Variants in ZNF804B observed in about 807,000 individuals in gnomAD.
The protein encoded by ZNF804B is zinc finger 804B.
ZNF804B carries 80 observed loss-of-function variants against 101.4 expected under a neutral mutation model. The observed-to-expected ratio is 0.79, with a 90% CI of 0.66 to 0.95. The LOEUF (loss-of-function observed/expected upper bound fraction) is 0.95. ZNF804B is among the 40% of genes least tolerant of loss of function. The pLI is 0.00. For synonymous variants in ZNF804B, 622 were observed against 558.8 expected (o/e 1.11, Z -1.59); for missense variants, 1,673 against 1,561.9 (o/e 1.07, Z -1.20).
chr7:89,146,986 G>A lies in ZNF804B; in HGVS notation c.109-71169G>A, dbSNP rs1454614590. Among the ~76,000 whole-genome samples, 8 of 151,212 alleles carry A rather than the reference G, an allele frequency of 5.3e-5. No individual in the cohort carries two copies. In the East Asian group the frequency reaches 1.4e-3, roughly 26 times the overall value. On this transcript the variant is annotated intron_variant, in intron 1 of 3. Transcript: ENST00000333190. ...TGCGGGTTGCATGAGCCAAGATTGC[G>A]CCACTGCACCATAGTCTGTTGCAGT...
intron 1 of ZNF804B, among the ~76,000 whole-genome samples, chr7:88,867,582 G>A (rs1791749473): frequency 1.3e-5 from 2 of 152,128 alleles, no homozygotes; most frequent in South Asian, 4.1e-4. Flanking sequence ...ATCTCCTAGG[G>A]AAATACTCTC....
chr7:89,055,588 T>C (rs929233174), intron 1 of ZNF804B, among the ~76,000 whole-genome samples: 4 of 152,050 alleles, frequency 2.6e-5, no homozygotes, highest in Non-Finnish European at 5.9e-5. Context: ...ATTCCTGATA[T>C]CAACTTCACC....
chr7:89,094,079 A>G (rs937571383), intron 1 of ZNF804B, among the ~76,000 whole-genome samples: 2 of 152,226 alleles, frequency 1.3e-5, no homozygotes, highest in Admixed American at 1.3e-4. Context: ...CAAACACTTT[A>G]TACTATTGTC....
At chr7:88,952,836 T>C (rs1793245331) in intron 1 of ZNF804B, among the ~76,000 whole-genome samples, 1 of 151,778 alleles carries the variant, frequency 6.6e-6, no homozygotes, top group African/African-American at 2.4e-5. Flanking sequence ...TCTTCCTCGA[T>C]TTTTGTTGGG....
intron 1 of ZNF804B, among the ~76,000 whole-genome samples, chr7:89,053,381 G>A (rs192787642): frequency 6.6e-6 from 1 of 151,948 alleles, no homozygotes; most frequent in Non-Finnish European, 1.5e-5. Flanking sequence ...TTTGACTCCA[G>A]TATCTAGAAA....
intron 1 of ZNF804B, among the ~76,000 whole-genome samples, chr7:88,855,301 TG>T (rs1346606861): frequency 6.9e-6 from 1 of 145,602 alleles, no homozygotes; most frequent in African/African-American, 2.5e-5. Flanking sequence ...CCATTCTAAC[TG>T]GTGTGAGATG....
intron 1 of ZNF804B, among the ~76,000 whole-genome samples, chr7:89,059,571 C>G (rs1789345303): frequency 6.6e-6 from 1 of 152,136 alleles, no homozygotes; most frequent in African/African-American, 2.4e-5. Flanking sequence ...CCAGTACCTC[C>G]CACCAGGCCC....
At chr7:89,143,838 T>A (rs1174664430) in intron 1 of ZNF804B, among the ~76,000 whole-genome samples, 3 of 152,038 alleles carry the variant, frequency 2.0e-5, no homozygotes, top group African/African-American at 7.2e-5. Flanking sequence ...AGTTTTTTCA[T>A]AATATGCATT....
intron 1 of ZNF804B, among the ~76,000 whole-genome samples, chr7:89,007,703 A>C (rs1341429276): frequency 6.7e-6 from 1 of 149,482 alleles, no homozygotes; most frequent in African/African-American, 2.4e-5. Flanking sequence ...TCACTGTCTT[A>C]TGTTGACAGC....
At position 88,866,030 on chromosome 7, in the gene ZNF804B, C is replaced by T. The variant is rs533312857; in HGVS notation, c.108+105946C>T. Among the ~76,000 whole-genome samples the T allele has an allele frequency of 8.5e-5, 13 of 152,216 alleles. No individual in the cohort carries two copies. The South Asian group carries it at 2.7e-3, about 32-fold the overall frequency. On this transcript the variant is annotated intron_variant, in intron 1 of 3. Coordinates refer to ENST00000333190, the MANE Select transcript of ZNF804B (RefSeq NM_181646.5). ...CATCTTTGTGTATTGATTTTTGGTT[C>T]AATGTCTTGTCCACAGTAAGTAGTA...
chr7:89,112,168 C>T (rs1216782033), intron 1 of ZNF804B, among the ~76,000 whole-genome samples: 1 of 150,820 alleles, frequency 6.6e-6, no homozygotes, highest in Non-Finnish European at 1.5e-5. Flanking sequence ...TTACAATGGA[C>T]AGACTACACA....
intron 1 of ZNF804B, among the ~76,000 whole-genome samples, chr7:88,996,759 C>T (rs1401668273): frequency 1.3e-5 from 2 of 151,992 alleles, no homozygotes; most frequent in Non-Finnish European, 2.9e-5. Flanking sequence ...AACAGTGAAT[C>T]AGAAGTACTT....
At chr7:89,061,787 A>G (rs1789384607) in intron 1 of ZNF804B, among the ~76,000 whole-genome samples, 2 of 152,086 alleles carry the variant, frequency 1.3e-5, no homozygotes, top group East Asian at 1.9e-4. Context: ...TTAATATCAT[A>G]TCTTACTGTC....
intron 1 of ZNF804B, among the ~76,000 whole-genome samples, chr7:88,978,275 T>C (rs141183313): frequency 0.025 from 3,803 of 151,934 alleles, 94 homozygotes; most frequent in Admixed American, 0.066. Flanking sequence ...GAGTTTTCTT[T>C]GTTGATTTTC....
In ZNF804B at chr7:89,336,940, G is replaced by A; in HGVS notation, c.3958G>A (p.Gly1320Ser). 6.2e-7 allele frequency: 1 copy of A among 1,614,010 alleles called. No individual in the cohort carries two copies. The highest frequency in any genetic ancestry group is 8.5e-7 in the Non-Finnish European group (1 of 1,179,990). Residue 1320 changes from glycine (G) to serine (S), a missense_variant, in exon 4 of 4, where the codon GGT becomes AGT. Physicochemically the swap from Gly to Ser is moderately conservative, Grantham distance 56 (BLOSUM62 0). Coordinates refer to ENST00000333190, the MANE Select transcript of ZNF804B (RefSeq NM_181646.5). ...LNPLIQPVFQGQDFCHHSCSS... is the reference protein window; with the variant it reads ...LNPLIQPVFQSQDFCHHSCSS... ...TCCTTTAATCCAACCAGTATTCCAA[G>A]GTCAAGATTTTTGCCATCATTCTTG...
chr7:89,216,989 A>G (rs1391611597), intron 1 of ZNF804B, among the ~76,000 whole-genome samples: 1 of 152,230 alleles, frequency 6.6e-6, no homozygotes, highest in African/African-American at 2.4e-5. Flanking sequence ...ATGAGGCATA[A>G]ATATATAAAC....
At chr7:89,057,279 G>C (rs568070430) in intron 1 of ZNF804B, among the ~76,000 whole-genome samples, 1 of 152,024 alleles carries the variant, frequency 6.6e-6, no homozygotes, top group Non-Finnish European at 1.5e-5. Context: ...GACTTTCAGC[G>C]CCAAGAAAAT....
chr7:89,015,125 C>T lies in ZNF804B; in HGVS notation c.109-203030C>T, dbSNP rs114960364. On this transcript the variant is annotated intron_variant, in intron 1 of 3. Transcript: ENST00000333190. ...GGGTGTACTTTCCTTAGTGGATATA[C>T]TTGACACCTTTGTCAAAAGTTAGTT... is the stretch of plus-strand genomic sequence containing the variant. Among the ~76,000 whole-genome samples, 809 of 152,236 alleles carry T rather than the reference C, an allele frequency of 5.3e-3. 5 individuals are homozygous for T. The highest frequency in any genetic ancestry group is 0.018 in the African/African-American group (753 of 41,536).
chr7:89,290,496 G>T (rs974632584), intron 2 of ZNF804B, among the ~76,000 whole-genome samples: 8 of 152,116 alleles, frequency 5.3e-5, no homozygotes, highest in African/African-American at 1.9e-4. Context: ...TCACTGAAAG[G>T]TGGGTCCCAG....
Sources: allele counts gnomAD v4.1 joint callset (sites outside exome capture counted in the v4.1 genomes callset), GRCh38; gene constraint gnomAD v4.1.1; transcripts MANE v1.5; gene names NCBI Gene and HGNC (gene_info 2026-07-23, HGNC 2026-07-21).